The following GPR141 variants were observed in gnomAD, a reference collection of about 807,000 sequenced individuals.
The protein encoded by GPR141 is probable G protein-coupled receptor 141.
GPR141 carries 6 observed loss-of-function variants against 6.8 expected under a neutral mutation model. The observed-to-expected ratio is 0.88, with a 90% confidence interval of 0.48 to 1.74. GPR141 has a LOEUF of 1.74. Among genes scored for constraint, GPR141 ranks in the 40% most tolerant of loss-of-function variants. The pLI, the probability that GPR141 is intolerant of heterozygous loss-of-function variation, is 0.01. For missense variants in GPR141, 372 were observed against 372.9 expected, an observed-to-expected ratio of 1.00 and a Z score of 0.02; for synonymous variants, 140 against 142.3, an observed-to-expected ratio of 0.98 and a Z score of 0.11.
intron 2 of GPR141, among the ~76,000 whole-genome samples, chr7:37,692,791 T>G (rs372925247): frequency 6.6e-6 from 1 of 152,352 alleles, no homozygotes; most frequent in East Asian, 1.9e-4. Context: ...CACATAAATG[T>G]CTTCTTTTGA....
intron 2 of GPR141, among the ~76,000 whole-genome samples, chr7:37,720,515 A>G (rs1168001238): frequency 6.6e-6 from 1 of 152,100 alleles, no homozygotes; most frequent in Non-Finnish European, 1.5e-5. Context: ...GCCGAAGCAG[A>G]TGGATCACAA....
At chr7:37,687,867 A>G (rs185475592) in intron 2 of GPR141, among the ~76,000 whole-genome samples, 2 of 152,096 alleles carry the variant, frequency 1.3e-5, no homozygotes, top group Non-Finnish European at 2.9e-5. Flanking sequence ...TCTCAAACAC[A>G]AGTAAACTTA....
At chr7:37,728,440 T>C (rs1338928701) in intron 2 of GPR141, among the ~76,000 whole-genome samples, 1 of 152,158 alleles carries the variant, frequency 6.6e-6, no homozygotes, top group African/African-American at 2.4e-5. Context: ...TTCTGGTGAC[T>C]AAGGTCTACA....
chr7:37,693,543 C>G (rs1044981582), intron 2 of GPR141, among the ~76,000 whole-genome samples: 3 of 152,090 alleles, frequency 2.0e-5, no homozygotes, highest in African/African-American at 7.2e-5. Flanking sequence ...GCCTCAGTGG[C>G]AACTTGGGAC....
At chr7:37,715,217 G>A (rs1252606365) in intron 2 of GPR141, among the ~76,000 whole-genome samples, 1 of 152,082 alleles carries the variant, frequency 6.6e-6, no homozygotes, top group Non-Finnish European at 1.5e-5. Context: ...AACTCCTTAG[G>A]CTCAAGCACT....
intron 2 of GPR141, among the ~76,000 whole-genome samples, chr7:37,699,993 C>T (rs1217092253): frequency 6.6e-6 from 1 of 152,166 alleles, no homozygotes; most frequent in Non-Finnish European, 1.5e-5. Flanking sequence ...CCATACTTGG[C>T]CCTTCCTTTT....
chr7:37,688,934 A>G (rs1237197084), intron 2 of GPR141, among the ~76,000 whole-genome samples: 2 of 152,200 alleles, frequency 1.3e-5, no homozygotes, highest in Non-Finnish European at 2.9e-5. Flanking sequence ...ACCATTTTAA[A>G]TATTTTACCA....
At chr7:37,704,726 A>G (rs973111069) in intron 2 of GPR141, among the ~76,000 whole-genome samples, 1 of 152,130 alleles carries the variant, frequency 6.6e-6, no homozygotes, top group African/African-American at 2.4e-5. Context: ...TGGGTCTGTT[A>G]ACAGGAAAGA....
chr7:37,740,849 C>T lies in GPR141; in HGVS notation c.456C>T (p.Val152=). 1 of 1,614,118 alleles carries T rather than the reference C, an allele frequency of 6.2e-7. No individual in the cohort carries two copies. The highest frequency in any genetic ancestry group is 8.5e-7 in the Non-Finnish European group (1 of 1,179,976). Residue 152 remains valine (V), a synonymous_variant, in exon 3 of 3, where the codon GTC becomes GTT. Coordinates refer to ENST00000334425, the MANE Select transcript of GPR141 (RefSeq NM_001381946.1). ...TTGTCATTGTGGTACCCCTGGTTGTCTCCCGGTATGGAATCCATGAGGAAT... is the reference window on the plus strand; with the variant it reads ...TTGTCATTGTGGTACCCCTGGTTGTTTCCCGGTATGGAATCCATGAGGAAT... The part of the protein sequence containing the change: ...LVIVIVVPLV[V]SRYGIHEEYN...
Position 37,740,411 on chromosome 7 carries a change from C to G in GPR141, c.18C>G (p.Thr6=). The G allele has an allele frequency of 1.2e-6, 2 of 1,600,894 alleles. No homozygotes were observed. The highest frequency in any genetic ancestry group is 1.7e-6 in the Non-Finnish European group (2 of 1,170,764). MPGHN[T]SRNSSCDPIV... Reference sequence around the variant, plus strand: ...TCCCAAGTATGCCTGGCCACAATACCTCCAGGAATTCCTCTTGCGATCCTA... The same window carrying G: ...TCCCAAGTATGCCTGGCCACAATACGTCCAGGAATTCCTCTTGCGATCCTA... The change falls in exon 3 of 3, where the codon ACC becomes ACG. Residue 6 remains threonine (T), a synonymous_variant. Transcript: ENST00000334425.
intron 2 of GPR141, among the ~76,000 whole-genome samples, chr7:37,716,967 G>A (rs1038426092): frequency 6.6e-6 from 1 of 152,218 alleles, no homozygotes; most frequent in African/African-American, 2.4e-5. Flanking sequence ...TGAGGGTGTT[G>A]TGAGCATTTA....
chr7:37,733,442 C>A (rs1190400323), intron 2 of GPR141, among the ~76,000 whole-genome samples: 3 of 151,892 alleles, frequency 2.0e-5, no homozygotes, highest in African/African-American at 7.2e-5. Flanking sequence ...GAGGCTGAGG[C>A]GGGTGGATCA....
chr7:37,688,549 A>G lies in GPR141; in HGVS notation c.-15+2966A>G, dbSNP rs577673535. Among the ~76,000 whole-genome samples, 61 of 152,330 alleles carry G rather than the reference A, an allele frequency of 4.0e-4. 1 individual carries two copies. The South Asian group carries it at 0.012, about 30-fold the overall frequency. ...AGCACTTCCCTTCCTGGAGGTGTCC[A>G]TCATTCATTTTAGCCCTGGCCTGAG... On this transcript the variant is annotated intron_variant, in intron 2 of 2. Coordinates refer to ENST00000334425, the MANE Select transcript of GPR141 (RefSeq NM_001381946.1).
At chr7:37,739,740 G>C (rs1326976327) in intron 2 of GPR141, among the ~76,000 whole-genome samples, 4 of 152,094 alleles carry the variant, frequency 2.6e-5, no homozygotes, top group African/African-American at 9.7e-5. Context: ...AGAGTTGGAA[G>C]ACATGCTATA....
At chr7:37,710,252 G>T (rs1810728493) in intron 2 of GPR141, among the ~76,000 whole-genome samples, 2 of 151,722 alleles carry the variant, frequency 1.3e-5, no homozygotes, top group South Asian at 4.2e-4. Context: ...ATTTAAAAAT[G>T]TTATTATGGA....
chr7:37,740,483 C>T lies in GPR141; in HGVS notation c.90C>T (p.Gly30=), dbSNP rs368456046. 61 of 1,613,768 alleles carry T rather than the reference C, an allele frequency of 3.8e-5. No homozygotes were observed. The highest frequency in any genetic ancestry group is 1.9e-4 in the South Asian group (17 of 91,086). Residue 30 remains glycine (G), a synonymous_variant, in exon 3 of 3, where the codon GGC becomes GGT. Transcript: ENST00000334425. ...LISLYFIVLI[G]GLVGVISILF... ...GCCTCTACTTCATAGTGCTTATTGGCGGGCTGGTGGGTGTCATTTCCATTC... is the reference window on the plus strand; with the variant it reads ...GCCTCTACTTCATAGTGCTTATTGGTGGGCTGGTGGGTGTCATTTCCATTC...
chr7:37,713,020 A>G (rs936275347), intron 2 of GPR141, among the ~76,000 whole-genome samples: 5 of 152,234 alleles, frequency 3.3e-5, no homozygotes, highest in Non-Finnish European at 5.9e-5. Context: ...GGGAATGTAC[A>G]GAAACACCAT....
In GPR141 at chr7:37,738,436, A is replaced by G. The variant is rs370060088; in HGVS notation, c.-14-1944A>G. ...CTTGACTCACATGTGAACACAATAT[A>G]ATTTCATGTCTCCTTGATAAAACTA... On this transcript the variant is annotated intron_variant, in intron 2 of 2. Transcript: ENST00000334425. Among the ~76,000 whole-genome samples the G allele has an allele frequency of 6.3e-4, 96 of 152,306 alleles. 3 individuals carry two copies. In the South Asian group the frequency reaches 0.019, roughly 31 times the overall value.
chr7:37,716,454 G>A (rs1328757334), intron 2 of GPR141, among the ~76,000 whole-genome samples: 2 of 152,122 alleles, frequency 1.3e-5, no homozygotes, highest in Non-Finnish European at 2.9e-5. Flanking sequence ...GTGATATGAT[G>A]CTGAGAGAAA....
Sources: allele counts gnomAD v4.1 joint callset (sites outside exome capture counted in the v4.1 genomes callset), GRCh38; gene constraint gnomAD v4.1.1; transcripts MANE v1.5; gene names NCBI Gene and HGNC (gene_info 2026-07-23, HGNC 2026-07-21).